Variants in SLC38A3 observed in about 807,000 individuals in gnomAD.
The protein encoded by SLC38A3 is sodium-coupled neutral amino acid transporter 3.
A neutral mutation model predicts 59.5 loss-of-function variants in SLC38A3; 17 were observed. That is an observed-to-expected ratio of 0.29 (90% CI 0.20 to 0.43). The LOEUF (loss-of-function observed/expected upper bound fraction) is 0.43, where lower values mean the gene tolerates loss of function less well. Ranked by LOEUF, SLC38A3 falls within the 20% of genes least tolerant of loss-of-function variation. The pLI, the probability that SLC38A3 is intolerant of heterozygous loss-of-function variation, is 1.00. For synonymous variants in SLC38A3, 238 were observed against 260.3 expected (o/e 0.91, Z 0.82); for missense variants, 454 against 653.9 (o/e 0.69, Z 3.33).
At chr3:50,212,627 A>G (rs1398554991) in intron 1 of SLC38A3, among the ~76,000 whole-genome samples, 1 of 152,156 alleles carries the variant, frequency 6.6e-6, no homozygotes. Flanking sequence ...AGGTGCCAGA[A>G]TCTGAACTCT....
chr3:50,219,746 C>T (rs1699870490), intron 14 of SLC38A3, 135 bp from the exon 15 acceptor site: 1 of 699,152 alleles, frequency 1.4e-6, no homozygotes. Context: ...GGGCTAGAAT[C>T]AGGCAGAGCT....
At position 50,220,372 on chromosome 3, in the gene SLC38A3, G is replaced by T. The variant is rs968696118; in HGVS notation, c.*195G>T. The T allele has an allele frequency of 3.4e-6, 2 of 588,486 alleles. No individual in the cohort carries two copies. Among genetic ancestry groups the T allele is most frequent in the Non-Finnish European group, 6.1e-6 (2 of 330,214 alleles). The allele number at this position is 588,486 out of a possible 1,614,324, so 36.5% of individuals were successfully genotyped here. Reference sequence around the variant, plus strand: ...ACCAAGGCCCTTGGGCCACTACCCTGCTAGGCTCTGGAGCTGTAGAGGCTT... The same window carrying T: ...ACCAAGGCCCTTGGGCCACTACCCTTCTAGGCTCTGGAGCTGTAGAGGCTT... On this transcript the variant is annotated 3_prime_UTR_variant, in exon 16 of 16. Transcript: ENST00000614032.
chr3:50,220,061 C>G lies in SLC38A3; in HGVS notation c.1411-12C>G, dbSNP rs1699875842. On this transcript the variant is annotated splice_polypyrimidine_tract_variant and intron_variant, in intron 15 of 15. Transcript: ENST00000614032. ...CTGACCTCGGACCTGACCCTGACTT[C>G]TGATTCCACAGGCCCTGTGTTTTGC... 1.9e-6 allele frequency: 3 copies of G among 1,603,864 alleles called. No individual in the cohort carries two copies. The highest frequency in any genetic ancestry group is 2.6e-6 in the Non-Finnish European group (3 of 1,174,732).
At position 50,218,852 on chromosome 3, in the gene SLC38A3, T is replaced by G; in HGVS notation, c.1210T>G (p.Trp404Gly). The G allele has an allele frequency of 6.2e-7, 1 of 1,613,246 alleles. No homozygotes were observed. Among genetic ancestry groups the G allele is most frequent in the Non-Finnish European group, 8.5e-7 (1 of 1,179,242 alleles). Reference protein sequence around the residue: ...QMLFPNQEFSWLRHVLIAVGL... With the variant: ...QMLFPNQEFSGLRHVLIAVGL... ...GCTGTTTCCAAACCAGGAGTTCAGC[T>G]GGCTGCGGCATGTGCTTATTGCCGT... Residue 404 changes from tryptophan to glycine, a missense_variant, in exon 14 of 16, where the codon TGG becomes GGG. Around this residue, in one of 3 missense-constraint regions of SLC38A3, gnomAD observed 390 missense variants for 557.9 expected, o/e 0.70. Transcript: ENST00000614032. This position sits in a 1 kb window ranked among gnomAD's most constrained non-coding sequence, Gnocchi z 5.8.
intron 7 of SLC38A3, among the ~76,000 whole-genome samples, chr3:50,216,296 C>G (rs769804957): frequency 6.6e-6 from 1 of 152,318 alleles, no homozygotes; most frequent in East Asian, 1.9e-4. Context: ...CAGCCCAGCC[C>G]GAGCAAGCAG....
intron 1 of SLC38A3, among the ~76,000 whole-genome samples, chr3:50,207,037 C>T (rs1160919308): frequency 6.6e-6 from 1 of 152,224 alleles, no homozygotes; most frequent in Admixed American, 6.5e-5. Context: ...CTGAACTGGA[C>T]ACACCCTGGA....
chr3:50,205,680 G>A (rs1329872389), intron 1 of SLC38A3, among the ~76,000 whole-genome samples: 1 of 152,226 alleles, frequency 6.6e-6, no homozygotes, highest in African/African-American at 2.4e-5. Context: ...CTTGTTGGGG[G>A]CTCGGGCGGC....
chr3:50,209,462 C>G (rs972928047), intron 1 of SLC38A3, among the ~76,000 whole-genome samples: 1 of 152,134 alleles, frequency 6.6e-6, no homozygotes. Context: ...TCCTGGCTAA[C>G]ATGGTGAAAC....
chr3:50,211,771 G>A (rs57665311), intron 1 of SLC38A3, among the ~76,000 whole-genome samples: 1 of 151,944 alleles, frequency 6.6e-6, no homozygotes, highest in Admixed American at 6.6e-5. Flanking sequence ...ATTTTTAGTA[G>A]AGATGGGGTT....
rs758006642 is a variant in SLC38A3 at position 50,220,004 on chromosome 3, C to T, written c.1410+20C>T. The T allele has an allele frequency of 4.0e-5, 65 of 1,606,076 alleles. No individual in the cohort carries two copies. The highest frequency in any genetic ancestry group is 5.4e-5 in the African/African-American group (4 of 74,682). ...ATCCTGGTGCGAGGGGCCTGGAGGCCGGTGGGCTGGTATGGGGCTAAGGGA... is the reference window on the plus strand; with the variant it reads ...ATCCTGGTGCGAGGGGCCTGGAGGCTGGTGGGCTGGTATGGGGCTAAGGGA... On this transcript the variant is annotated intron_variant, in intron 15 of 15. Transcript: ENST00000614032.
chr3:50,205,673 G>A (rs1035368221), intron 1 of SLC38A3, among the ~76,000 whole-genome samples: 4 of 152,234 alleles, frequency 2.6e-5, no homozygotes, highest in Non-Finnish European at 5.9e-5. Flanking sequence ...AGGACGCCTT[G>A]TTGGGGGCTC....
intron 1 of SLC38A3, among the ~76,000 whole-genome samples, chr3:50,210,471 C>T (rs1347698091): frequency 1.3e-5 from 2 of 152,192 alleles, no homozygotes; most frequent in Non-Finnish European, 2.9e-5. Flanking sequence ...GCCTCCCTGT[C>T]ACCAGCTCAC....
At chr3:50,210,504 A>G (rs1699709379) in intron 1 of SLC38A3, among the ~76,000 whole-genome samples, 1 of 152,166 alleles carries the variant, frequency 6.6e-6, no homozygotes, top group Non-Finnish European at 1.5e-5. Flanking sequence ...AGACCCACTT[A>G]TGTTCCTGAG....
Position 50,215,845 on chromosome 3 carries a change from A to T in SLC38A3, c.548+24A>T. 15 of 688,770 alleles carry T rather than the reference A, an allele frequency of 2.2e-5. No homozygotes were observed. The highest frequency in any genetic ancestry group is 1.4e-4 in the African/African-American group (3 of 22,064). 42.7% of individuals were successfully genotyped at this position (688,770 alleles called of 1,614,324 possible). ...TCGTGAGCCCTGGCGTGGGGAGGGGAGGGGAGGGGTGCGGTGCAGTGAGGA... is the reference window on the plus strand; with the variant it reads ...TCGTGAGCCCTGGCGTGGGGAGGGGTGGGGAGGGGTGCGGTGCAGTGAGGA... On this transcript the variant is annotated intron_variant, in intron 7 of 15. Coordinates refer to ENST00000614032, the MANE Select transcript of SLC38A3 (RefSeq NM_006841.6). The surrounding 1 kb of genome is among the most constrained non-coding windows in gnomAD (Gnocchi z 7.1).
At position 50,214,878 on chromosome 3, in the gene SLC38A3, G is replaced by A. The variant is rs1559754515; in HGVS notation, c.299+110G>A. The A allele has an allele frequency of 9.5e-6, 7 of 740,420 alleles. No homozygotes were observed. Among genetic ancestry groups the A allele is most frequent in the Non-Finnish European group, 1.6e-5 (7 of 429,560 alleles). 45.9% of individuals were successfully genotyped at this position (740,420 alleles called of 1,614,324 possible). A position where few individuals can be genotyped will look rare whatever the true frequency, so the allele number is the denominator to read the frequency against. ...TCCCAGCATCCAGGCTGCAGTGGGT[G>A]GGCACTTCTTACACTAACAAACCGC... On this transcript the variant is annotated intron_variant, in intron 4 of 15. Coordinates refer to ENST00000614032, the MANE Select transcript of SLC38A3 (RefSeq NM_006841.6). This position sits in a 1 kb window ranked among gnomAD's most constrained non-coding sequence, Gnocchi z 6.0.
Position 50,211,178 on chromosome 3 carries a change from C to T in SLC38A3, c.-51-2971C>T, listed in dbSNP as rs936841456. On this transcript the variant is annotated intron_variant, in intron 1 of 15. Coordinates refer to ENST00000614032, the MANE Select transcript of SLC38A3 (RefSeq NM_006841.6). ...CCCTTCCCTGAGTTTACCCCGATTC[C>T]GATTCCCGGATACAAAGGAGCCTGG... Among the ~76,000 whole-genome samples the T allele has an allele frequency of 5.9e-5, 9 of 152,190 alleles. 1 individual carries two copies. The highest frequency in any genetic ancestry group is 4.6e-4 in the Admixed American group (7 of 15,284).
In SLC38A3 at chr3:50,218,393, A is replaced by T; in HGVS notation, c.1036+23A>T. The T allele has an allele frequency of 6.4e-7, 1 of 1,571,124 alleles. No individual in the cohort carries two copies. The highest frequency in any genetic ancestry group is 8.8e-7 in the Non-Finnish European group (1 of 1,141,058). On this transcript the variant is annotated intron_variant, in intron 12 of 15. Coordinates refer to ENST00000614032, the MANE Select transcript of SLC38A3 (RefSeq NM_006841.6). This position sits in a 1 kb window ranked among gnomAD's most constrained non-coding sequence, Gnocchi z 5.8. ...ACAGTACGGTGGCACCGGTGGGCAG[A>T]GGCCTAGGCTAGGCTGGGGGGAAGG...
chr3:50,214,328 C>G lies in SLC38A3; in HGVS notation c.101+28C>G. 6.2e-7 allele frequency: 1 copy of G among 1,611,826 alleles called. No individual in the cohort carries two copies. Among genetic ancestry groups the G allele is most frequent in the Non-Finnish European group, 8.5e-7 (1 of 1,178,364 alleles). ...GAGTACCAGAGGGACCCAGTGGTGGCTGAAGACAGGGCAGGGCAGGGATAC... is the reference window on the plus strand; with the variant it reads ...GAGTACCAGAGGGACCCAGTGGTGGGTGAAGACAGGGCAGGGCAGGGATAC... On this transcript the variant is annotated intron_variant, in intron 2 of 15. Coordinates refer to ENST00000614032, the MANE Select transcript of SLC38A3 (RefSeq NM_006841.6). This position sits in a 1 kb window ranked among gnomAD's most constrained non-coding sequence, Gnocchi z 6.0.
rs1161982242 is a variant in SLC38A3, at chr3:50,214,695, A to T, written c.226A>T (p.Ser76Cys). The T allele has an allele frequency of 6.2e-7, 1 of 1,613,662 alleles. No homozygotes were observed. Among genetic ancestry groups the T allele is most frequent in the Non-Finnish European group, 8.5e-7 (1 of 1,179,844 alleles). The stretch of plus-strand genomic sequence containing the variant: ...ATTCGGGATGTCAGTGTTCAACCTC[A>T]GCAATGCCATCATGGGCAGCGGCAT... ...TSFGMSVFNL[S>C]NAIMGSGILG... The change falls in exon 4 of 16, where the codon AGC (serine) becomes TGC (cysteine). Residue 76 changes from serine to cysteine, a missense_variant. Ser to Cys is a moderately radical substitution (Grantham distance 112). This residue lies in a region of SLC38A3 where 390 missense variants were observed against 557.9 expected (regional missense o/e 0.70). Coordinates refer to ENST00000614032, the MANE Select transcript of SLC38A3 (RefSeq NM_006841.6). This position sits in a 1 kb window ranked among gnomAD's most constrained non-coding sequence, Gnocchi z 6.0.
Sources: gnomAD v4.1 joint callset for allele counts (sites outside exome capture counted in the v4.1 genomes callset) on GRCh38, gnomAD v4.1.1 for gene constraint, gnomAD v4.1.1 regional missense constraint, Gnocchi (gnomAD v3.1) non-coding constraint, MANE v1.5 for transcripts, NCBI Gene and HGNC (gene_info 2026-07-23, HGNC 2026-07-21) for gene names.